Variants in SH3RF1 observed in about 807,000 individuals in gnomAD.
The protein encoded by SH3RF1 is SH3 domain containing ring finger 1.
In SH3RF1, 32 loss-of-function variants were observed where a neutral mutation model predicts 74.0. That is an observed-to-expected ratio of 0.43 (90% confidence interval 0.33 to 0.58). The LOEUF (loss-of-function observed/expected upper bound fraction) is 0.58. SH3RF1 is among the 20% of genes least tolerant of loss of function. SH3RF1 has a pLI of 0.05. For missense variants in SH3RF1, 954 were observed against 1,130.9 expected, an observed-to-expected ratio of 0.84 and a Z score of 2.24; for synonymous variants, 396 against 439.6, an observed-to-expected ratio of 0.90 and a Z score of 1.24.
intron 2 of SH3RF1, among the ~76,000 whole-genome samples, chr4:169,247,425 C>A (rs1167975115): frequency 6.6e-6 from 1 of 152,138 alleles, no homozygotes; most frequent in Non-Finnish European, 1.5e-5. Flanking sequence ...GTGAAGGAAG[C>A]CACAGAGCTG....
intron 2 of SH3RF1, among the ~76,000 whole-genome samples, chr4:169,238,542 G>A (rs1049321320): frequency 6.6e-6 from 1 of 152,162 alleles, no homozygotes; most frequent in Non-Finnish European, 1.5e-5. Flanking sequence ...ATTATGAATT[G>A]TTGTCTATCA....
chr4:169,194,675 T>C (rs1379927769), intron 2 of SH3RF1, among the ~76,000 whole-genome samples: 2 of 152,222 alleles, frequency 1.3e-5, no homozygotes, highest in African/African-American at 4.8e-5. Flanking sequence ...ATTATGAATG[T>C]TCTTGAATGT....
chr4:169,244,025 T>C, intron 2 of SH3RF1, among the ~76,000 whole-genome samples: 1 of 152,232 alleles, frequency 6.6e-6, no homozygotes, highest in East Asian at 1.9e-4. Context: ...AAATGAGGTT[T>C]TGAACTGCAT....
rs369254694 is a variant in SH3RF1, at chr4:169,116,260, T to C, written c.2139+9A>G. Reference sequence around the variant, plus strand: ...AAAGCAGAGAAACAGTAAGTAAGTATGGTCTTACTTTGCTATCCTTGTCTG... The same window carrying C: ...AAAGCAGAGAAACAGTAAGTAAGTACGGTCTTACTTTGCTATCCTTGTCTG... On this transcript the variant is annotated intron_variant, in intron 10 of 11. Transcript: ENST00000284637. The C allele has an allele frequency of 1.6e-5, 26 of 1,587,878 alleles. No homozygotes were observed. Among genetic ancestry groups the C allele is most frequent in the Middle Eastern group, 1.7e-4 (1 of 5,986 alleles).
Position 169,099,336 on chromosome 4 carries a change from G to T in SH3RF1, c.2499-2649C>A, listed in dbSNP as rs576289311. ...ACTCCTTGGCTCAAGCAATCTTCCA[G>T]CCTCAGCCCCAGAAAGTGCTGGGAT... On this transcript the variant is annotated intron_variant, in intron 11 of 11. Transcript: ENST00000284637. Among the ~76,000 whole-genome samples, 5 of 152,296 alleles carry T rather than the reference G, an allele frequency of 3.3e-5. No individual in the cohort carries two copies. The South Asian group carries it at 1.0e-3, about 32-fold the overall frequency.
chr4:169,254,145 C>T (rs948890279), intron 2 of SH3RF1, among the ~76,000 whole-genome samples: 1 of 152,166 alleles, frequency 6.6e-6, no homozygotes, highest in African/African-American at 2.4e-5. Context: ...GTTAGACACT[C>T]CAACTTACAA....
intron 2 of SH3RF1, among the ~76,000 whole-genome samples, chr4:169,162,093 G>A (rs746965079): frequency 6.6e-5 from 10 of 152,118 alleles, no homozygotes; most frequent in South Asian, 2.1e-4. Flanking sequence ...GTAGGCAGAG[G>A]TTGCAGTGAG....
chr4:169,147,749 T>C (rs1733916077), intron 4 of SH3RF1, among the ~76,000 whole-genome samples: 1 of 152,226 alleles, frequency 6.6e-6, no homozygotes, highest in African/African-American at 2.4e-5. Context: ...TCCCCATTGA[T>C]GTAATAAAGA....
chr4:169,209,404 A>G (rs1464843683), intron 2 of SH3RF1, among the ~76,000 whole-genome samples: 1 of 152,124 alleles, frequency 6.6e-6, no homozygotes, highest in Non-Finnish European at 1.5e-5. Flanking sequence ...CCTGATGCCA[A>G]GTCAGTTTAA....
intron 2 of SH3RF1, among the ~76,000 whole-genome samples, chr4:169,263,420 A>T (rs1236103972): frequency 3.3e-5 from 5 of 152,200 alleles, no homozygotes; most frequent in Admixed American, 6.5e-5. Flanking sequence ...TCTTTGACCT[A>T]GTATAGATTA....
intron 8 of SH3RF1, among the ~76,000 whole-genome samples, chr4:169,119,101 A>T (rs1297100793): frequency 6.6e-6 from 1 of 151,804 alleles, no homozygotes; most frequent in Non-Finnish European, 1.5e-5. Context: ...TTAAACAAAC[A>T]GATAGATTTT....
At chr4:169,239,401 C>T (rs1730869740) in intron 2 of SH3RF1, among the ~76,000 whole-genome samples, 1 of 152,068 alleles carries the variant, frequency 6.6e-6, no homozygotes, top group Non-Finnish European at 1.5e-5. Flanking sequence ...GAAGTGAGTT[C>T]TGAATCACAA....
chr4:169,154,014 G>C (rs999919542), intron 4 of SH3RF1, among the ~76,000 whole-genome samples: 7 of 152,086 alleles, frequency 4.6e-5, no homozygotes, highest in Admixed American at 4.6e-4. Flanking sequence ...GTATCAGCAT[G>C]TAATATTGAT....
At chr4:169,151,189 G>A (rs913694183) in intron 4 of SH3RF1, among the ~76,000 whole-genome samples, 3 of 152,300 alleles carry the variant, frequency 2.0e-5, no homozygotes, top group Middle Eastern at 3.4e-3. Flanking sequence ...AAGACCCTGC[G>A]GAACCGGCCC....
chr4:169,096,809 T>TAA (rs1352370831), intron 11 of SH3RF1, 122 bp from the exon 12 acceptor site: 2 of 949,246 alleles, frequency 2.1e-6, no homozygotes, highest in Non-Finnish European at 3.1e-6. Context: ...TTTATGATTG[T>TAA]AAAACAACTC....
intron 11 of SH3RF1, 105 bp from the exon 12 acceptor site, chr4:169,096,792 T>A: frequency 9.4e-7 from 1 of 1,061,244 alleles, no homozygotes; most frequent in Non-Finnish European, 1.4e-6. Flanking sequence ...GAAATAACAT[T>A]AATTCATTTA....
chr4:169,193,174 T>C (rs910282545), intron 2 of SH3RF1, among the ~76,000 whole-genome samples: 2 of 151,776 alleles, frequency 1.3e-5, no homozygotes, highest in African/African-American at 2.4e-5. Flanking sequence ...AGACCACAAA[T>C]AGAGCTCAGT....
chr4:169,211,206 A>T (rs1730355688), intron 2 of SH3RF1, among the ~76,000 whole-genome samples: 1 of 152,044 alleles, frequency 6.6e-6, no homozygotes. Flanking sequence ...CACGGTGTTG[A>T]GCACGGTGGC....
rs553133406 is a variant in SH3RF1 at position 169,197,406 on chromosome 4, C to T, written c.394-40727G>A. Among the ~76,000 whole-genome samples the T allele has an allele frequency of 1.1e-3, 168 of 152,014 alleles. 1 individual carries two copies. The highest frequency in any genetic ancestry group is 1.8e-3 in the Non-Finnish European group (124 of 67,962). On this transcript the variant is annotated intron_variant, in intron 2 of 11. Transcript: ENST00000284637. ...TTGGAAGGCCAGGGCAGGTGGATCACCTGAGGTCAGGAGTTCAAAAACCAG... is the reference window on the plus strand; with the variant it reads ...TTGGAAGGCCAGGGCAGGTGGATCATCTGAGGTCAGGAGTTCAAAAACCAG...
Sources: gnomAD v4.1 joint callset for allele counts (sites outside exome capture counted in the v4.1 genomes callset) on GRCh38, gnomAD v4.1.1 for gene constraint, MANE v1.5 for transcripts, NCBI Gene and HGNC (gene_info 2026-07-23, HGNC 2026-07-21) for gene names.